The following DNAJA3 variants were observed in gnomAD, a reference collection of about 807,000 sequenced individuals.
DNAJA3 encodes the protein DnaJ heat shock protein family (Hsp40) member A3.
In DNAJA3, 29 loss-of-function variants were observed where a neutral mutation model predicts 54.9. That is an observed-to-expected ratio of 0.53 (90% CI 0.39 to 0.72). DNAJA3 has a LOEUF of 0.72. Ranked by LOEUF, DNAJA3 falls within the 30% of genes least tolerant of loss-of-function variation. The probability of loss-of-function intolerance (pLI) is 0.00; values close to 1 mark genes in which losing one functional copy is unlikely to be tolerated. For missense variants in DNAJA3, 708 were observed against 639.4 expected (o/e 1.11, Z -1.16); for synonymous variants, 302 against 251.4 (o/e 1.20, Z -1.90).
intron 10 of DNAJA3, 62 bp downstream of exon 10, chr16:4,450,559 C>A: frequency 7.8e-7 from 1 of 1,273,960 alleles, no homozygotes; most frequent in Non-Finnish European, 1.1e-6. Context: ...AGGGTATGGA[C>A]AATTCAGGGC....
chr16:4,426,369 G>A (rs929991368), intron 1 of DNAJA3, among the ~76,000 whole-genome samples: 4 of 152,182 alleles, frequency 2.6e-5, no homozygotes, highest in Non-Finnish European at 4.4e-5. Context: ...GGAGGCCGCT[G>A]CTCCCTCGTC....
chr16:4,433,251 C>CTTTGGA, intron 1 of DNAJA3: 1 of 152,206 alleles, frequency 6.6e-6, no homozygotes, highest in East Asian at 1.9e-4. Context: ...GAATCCAGAT[C>CTTTGGA]CAAAGTACAA....
chr16:4,439,972 G>T (rs889735938), intron 3 of DNAJA3, among the ~76,000 whole-genome samples: 13 of 151,912 alleles, frequency 8.6e-5, no homozygotes, highest in Non-Finnish European at 1.6e-4. Flanking sequence ...TCACTTTGTT[G>T]CCCAGGCTGG....
At chr16:4,426,369 G>C (rs929991368) in intron 1 of DNAJA3, among the ~76,000 whole-genome samples, 1 of 152,182 alleles carries the variant, frequency 6.6e-6, no homozygotes, top group African/African-American at 2.4e-5. Context: ...GGAGGCCGCT[G>C]CTCCCTCGTC....
In DNAJA3 at chr16:4,441,421, C is replaced by T. The variant is rs759377979; in HGVS notation, c.476C>T (p.Ser159Phe). Reference protein sequence around the residue: ...VKRKQYDAYGSAGFDPGASGS... With the variant: ...VKRKQYDAYGFAGFDPGASGS... Reference sequence around the variant, plus strand: ...AGGAAGCAGTACGATGCCTACGGCTCTGCAGGCTTCGATCCTGGGGCCAGC... The same window carrying T: ...AGGAAGCAGTACGATGCCTACGGCTTTGCAGGCTTCGATCCTGGGGCCAGC... The change falls in exon 4 of 12, where the codon TCT becomes TTT. Residue 159 changes from serine (S) to phenylalanine (F), a missense_variant. Physicochemically the swap from Ser to Phe is radical, Grantham distance 155. Transcript: ENST00000262375. 6.2e-7 allele frequency: 1 copy of T among 1,614,142 alleles called. No individual in the cohort carries two copies. Among genetic ancestry groups the T allele is most frequent in the South Asian group, 1.1e-5 (1 of 91,084 alleles).
intron 10 of DNAJA3, among the ~76,000 whole-genome samples, chr16:4,452,240 C>T (rs1037489613): frequency 6.6e-6 from 1 of 152,070 alleles, no homozygotes; most frequent in Admixed American, 6.6e-5. Flanking sequence ...AGCTATTCCC[C>T]GGAACTCTAA....
At chr16:4,439,943 A>G (rs886776657) in intron 3 of DNAJA3, among the ~76,000 whole-genome samples, 2 of 151,880 alleles carry the variant, frequency 1.3e-5, no homozygotes, top group Admixed American at 6.6e-5. Context: ...GATAGTGCCT[A>G]TTTTTTTGAG....
intron 9 of DNAJA3, chr16:4,450,107 T>C: frequency 3.1e-6 from 1 of 325,108 alleles, no homozygotes; most frequent in East Asian, 5.1e-5. Flanking sequence ...AATTTCTTAC[T>C]TGCTTCACAT....
rs2057027511 is a variant in DNAJA3, at chr16:4,455,624, C to T, written c.*92C>T. The T allele has an allele frequency of 3.2e-6, 5 of 1,546,752 alleles. 1 individual carries two copies. The Admixed American group carries it at 5.9e-5, about 18-fold the overall frequency. Reference sequence around the variant, plus strand: ...GGGCACCTGGGAGACGGGAGGATTCCAGAACAGCAGCACTGAGCTCCCACC... The same window carrying T: ...GGGCACCTGGGAGACGGGAGGATTCTAGAACAGCAGCACTGAGCTCCCACC... On this transcript the variant is annotated 3_prime_UTR_variant, in exon 12 of 12. Coordinates refer to ENST00000262375, the MANE Select transcript of DNAJA3 (RefSeq NM_005147.6).
At chr16:4,441,166 G>A in intron 3 of DNAJA3, 2 of 559,934 alleles carry the variant, frequency 3.6e-6, no homozygotes, top group East Asian at 2.9e-5. Context: ...ACTTTTGGAA[G>A]CACTTCACGC....
intron 10 of DNAJA3, among the ~76,000 whole-genome samples, chr16:4,451,752 GAAAA>G (rs57814611): frequency 1.4e-4 from 6 of 41,842 alleles, no homozygotes; most frequent in East Asian, 6.8e-4. Context: ...GAGACTCTCT[GAAAA>G]AAAAAAAAAA....
At chr16:4,452,283 C>G (rs566443029) in intron 10 of DNAJA3, among the ~76,000 whole-genome samples, 1 of 152,086 alleles carries the variant, frequency 6.6e-6, no homozygotes, top group African/African-American at 2.4e-5. Flanking sequence ...TTCCTCAAAC[C>G]CTACAATCAC....
chr16:4,454,742 G>A, intron 10 of DNAJA3, 69 bp from the exon 11 acceptor site: 1 of 1,244,324 alleles, frequency 8.0e-7, no homozygotes, highest in South Asian at 1.3e-5. Context: ...GCGGGGGTAG[G>A]TGGGCCCTGG....
rs1290146840 is a variant in DNAJA3, at chr16:4,434,444, A to G, written c.272A>G (p.Lys91Arg). Residue 91 changes from lysine to arginine, a missense_variant, in exon 2 of 12, where the codon AAA (lysine) becomes AGA (arginine). Coordinates refer to ENST00000262375, the MANE Select transcript of DNAJA3 (RefSeq NM_005147.6). ...ASFHTSAPLA[K>R]EDYYQILGVP... Reference sequence around the variant, plus strand: ...TTCCACACGAGTGCCCCTTTGGCCAAAGAAGATTATTATCAGATATTAGGA... The same window carrying G: ...TTCCACACGAGTGCCCCTTTGGCCAGAGAAGATTATTATCAGATATTAGGA... 2 of 1,613,320 alleles carry G rather than the reference A, an allele frequency of 1.2e-6. No homozygotes were observed. Among genetic ancestry groups the G allele is most frequent in the African/African-American group, 1.3e-5 (1 of 74,898 alleles).
At chr16:4,453,442 T>G (rs1005941792) in intron 10 of DNAJA3, among the ~76,000 whole-genome samples, 1 of 151,734 alleles carries the variant, frequency 6.6e-6, no homozygotes, top group African/African-American at 2.4e-5. Flanking sequence ...TCTTTTTTTT[T>G]TTTTCTTTTT....
intron 6 of DNAJA3, 89 bp downstream of exon 6, chr16:4,443,253 C>T (rs534106834): frequency 1.1e-5 from 17 of 1,509,834 alleles, no homozygotes; most frequent in African/African-American, 2.8e-5. Flanking sequence ...TGGACAGGGC[C>T]GAGGCCACTG....
chr16:4,443,093 C>T lies in DNAJA3; in HGVS notation c.860C>T (p.Ser287Leu), dbSNP rs773595377. ...GGTGGCCGCGGCTCCATCATCATAT[C>T]GCCCTGTGTGGTCTGCAGGGGAGCA... ...RCGGRGSIII[S>L]PCVVCRGAGQ... Residue 287 changes from serine to leucine, a missense_variant, in exon 6 of 12, where the codon TCG becomes TTG. Ser to Leu is a moderately radical substitution (Grantham distance 145). Coordinates refer to ENST00000262375, the MANE Select transcript of DNAJA3 (RefSeq NM_005147.6). 1.8e-5 allele frequency: 29 copies of T among 1,613,912 alleles called. No homozygotes were observed. Among genetic ancestry groups the T allele is most frequent in the South Asian group, 4.4e-5 (4 of 91,082 alleles).
intron 10 of DNAJA3, among the ~76,000 whole-genome samples, chr16:4,454,248 T>A (rs1227607657): frequency 1.3e-5 from 2 of 152,162 alleles, no homozygotes; most frequent in South Asian, 4.1e-4. Flanking sequence ...ATCTGGCCAG[T>A]TGGTCTAGAG....
chr16:4,444,833 G>C lies in DNAJA3; in HGVS notation c.996+105G>C, dbSNP rs937884912. 7 of 1,069,748 alleles carry C rather than the reference G, an allele frequency of 6.5e-6. No individual in the cohort carries two copies. In the East Asian group the frequency reaches 1.9e-4, roughly 28 times the overall value. 66.3% of individuals were successfully genotyped at this position (1,069,748 alleles called of 1,614,324 possible). ...TCAAAGCTTCACAGGAACATGTCTC[G>C]CCATTCATGTTTCTGAGGGGCACAG... On this transcript the variant is annotated intron_variant, in intron 7 of 11. Coordinates refer to ENST00000262375, the MANE Select transcript of DNAJA3 (RefSeq NM_005147.6).
Sources: gnomAD v4.1 joint callset for allele counts (sites outside exome capture counted in the v4.1 genomes callset) on GRCh38, gnomAD v4.1.1 for gene constraint, MANE v1.5 for transcripts, NCBI Gene and HGNC (gene_info 2026-07-23, HGNC 2026-07-21) for gene names.